ZCCHC4: variants seen among roughly 807,000 people sequenced by gnomAD.
The protein encoded by ZCCHC4 is rRNA N(6)-adenosine-methyltransferase ZCCHC4.
A neutral mutation model predicts 67.7 loss-of-function variants in ZCCHC4; 54 were observed. That is an observed-to-expected ratio of 0.80 (90% CI 0.64 to 1.00). ZCCHC4 has a LOEUF of 1.00. ZCCHC4 is among the 50% of genes least tolerant of loss of function. ZCCHC4 has a pLI of 0.00. For synonymous variants in ZCCHC4, 198 were observed against 213.5 expected (o/e 0.93, Z 0.63); for missense variants, 609 against 617.0 (o/e 0.99, Z 0.14).
At chr4:25,319,624 T>G (rs1292468990) in intron 3 of ZCCHC4, among the ~76,000 whole-genome samples, 1 of 152,118 alleles carries the variant, frequency 6.6e-6, no homozygotes, top group Non-Finnish European at 1.5e-5. Flanking sequence ...CTGAAAATAT[T>G]CAGTGTCTTA....
At chr4:25,313,989 T>C (rs528308549) in intron 1 of ZCCHC4, 57 bp from the exon 2 acceptor site, 1 of 1,127,504 alleles carries the variant, frequency 8.9e-7, no homozygotes, top group African/African-American at 1.6e-5. Flanking sequence ...AACTAAGAAC[T>C]TGACGTAGAT....
At chr4:25,317,609 G>A (rs1718323897) in intron 3 of ZCCHC4, among the ~76,000 whole-genome samples, 1 of 150,178 alleles carries the variant, frequency 6.7e-6, no homozygotes, top group African/African-American at 2.4e-5. Flanking sequence ...TACTTGGGAG[G>A]CTGACACAGG....
chr4:25,350,765 G>C (rs569244236), intron 7 of ZCCHC4, among the ~76,000 whole-genome samples: 1 of 152,246 alleles, frequency 6.6e-6, no homozygotes, highest in Admixed American at 6.5e-5. Flanking sequence ...CTGTTTTTAA[G>C]TCCACTAATT....
At chr4:25,356,510 G>T (rs780737023) in intron 8 of ZCCHC4, among the ~76,000 whole-genome samples, 6 of 151,744 alleles carry the variant, frequency 4.0e-5, no homozygotes, top group Non-Finnish European at 7.4e-5. Flanking sequence ...CCACCTTCCT[G>T]ACACATACAT....
At chr4:25,323,357 G>T (rs1718682006) in intron 3 of ZCCHC4, among the ~76,000 whole-genome samples, 1 of 151,232 alleles carries the variant, frequency 6.6e-6, no homozygotes, top group Admixed American at 6.6e-5. Flanking sequence ...AAATGATTTG[G>T]TACTGCAGCA....
chr4:25,341,951 G>T (rs558992433), intron 5 of ZCCHC4, among the ~76,000 whole-genome samples: 1 of 152,268 alleles, frequency 6.6e-6, no homozygotes, highest in African/African-American at 2.4e-5. Context: ...GTCAGAGTAG[G>T]GGTTAGGGGA....
intron 5 of ZCCHC4, among the ~76,000 whole-genome samples, chr4:25,343,272 C>T (rs995893754): frequency 1.8e-4 from 27 of 152,250 alleles, no homozygotes; most frequent in African/African-American, 6.3e-4. Flanking sequence ...TTTATTTCTT[C>T]AGTGCAAATT....
chr4:25,358,148 T>C (rs1409107911), intron 8 of ZCCHC4, among the ~76,000 whole-genome samples: 15 of 152,228 alleles, frequency 9.9e-5, no homozygotes, highest in Admixed American at 9.8e-4. Context: ...CTGCTGAAAC[T>C]AAAAGTTGAG....
At chr4:25,334,617 A>T (rs1366108716) in intron 5 of ZCCHC4, among the ~76,000 whole-genome samples, 1 of 152,182 alleles carries the variant, frequency 6.6e-6, no homozygotes, top group East Asian at 1.9e-4. Flanking sequence ...GATACCTTTA[A>T]CTTATAACAT....
Position 25,349,679 on chromosome 4 carries a change from A to G in ZCCHC4, c.910+37A>G, listed in dbSNP as rs370060994. On this transcript the variant is annotated intron_variant, in intron 7 of 12. Coordinates refer to ENST00000302874, the MANE Select transcript of ZCCHC4 (RefSeq NM_024936.3). ...ATTACTGCAAAATAAATACATATCT[A>G]TATATCTACTTCCTGTCAAATATTA... The G allele has an allele frequency of 2.1e-5, 34 of 1,597,022 alleles. 1 individual carries two copies. The Middle Eastern group carries it at 1.8e-3, about 86-fold the overall frequency.
intron 5 of ZCCHC4, among the ~76,000 whole-genome samples, chr4:25,343,995 A>G (rs1719874114): frequency 6.6e-6 from 1 of 152,206 alleles, no homozygotes. Flanking sequence ...CTATTGAGAT[A>G]ACAAAAAGGT....
Position 25,312,955 on chromosome 4 carries a change from T to A in ZCCHC4, c.127+19T>A, listed in dbSNP as rs765472485. The A allele has an allele frequency of 8.7e-6, 14 of 1,609,802 alleles. No homozygotes were observed. Among genetic ancestry groups the A allele is most frequent in the Non-Finnish European group, 1.2e-5 (14 of 1,179,556 alleles). Reference sequence around the variant, plus strand: ...CCTCACGGTGGGTCAGAGTCTGGGCTCAGCCTAACTGCCGGGCGCTGAGGG... The same window carrying A: ...CCTCACGGTGGGTCAGAGTCTGGGCACAGCCTAACTGCCGGGCGCTGAGGG... On this transcript the variant is annotated intron_variant, in intron 1 of 12. Transcript: ENST00000302874.
chr4:25,365,173 C>T lies in ZCCHC4; in HGVS notation c.1406+7C>T, dbSNP rs372761972. The T allele has an allele frequency of 8.1e-6, 13 of 1,613,144 alleles. No homozygotes were observed. In the Admixed American group the frequency reaches 8.3e-5, roughly 10 times the overall value. On this transcript the variant is annotated splice_region_variant and intron_variant, in intron 12 of 12. Transcript: ENST00000302874. ...CATCTAAGAGAGCTAACAAGTCAGT[C>T]GAATACTTTACTAGAAAAATGTATT...
chr4:25,365,641 T>A, intron 12 of ZCCHC4: 3 of 985,622 alleles, frequency 3.0e-6, no homozygotes, highest in Non-Finnish European at 3.6e-6. Context: ...AAGAAAAATA[T>A]TTAGACATGC....
At chr4:25,343,778 A>T (rs1180981214) in intron 5 of ZCCHC4, among the ~76,000 whole-genome samples, 1 of 152,220 alleles carries the variant, frequency 6.6e-6, no homozygotes, top group East Asian at 1.9e-4. Flanking sequence ...TTCACCATGG[A>T]TGCTCAATCA....
In ZCCHC4 at chr4:25,315,411, A is replaced by G; in HGVS notation, c.329+11A>G. 1.3e-6 allele frequency: 2 copies of G among 1,570,442 alleles called. No homozygotes were observed. The highest frequency in any genetic ancestry group is 1.7e-6 in the Non-Finnish European group (2 of 1,159,444). On this transcript the variant is annotated intron_variant, in intron 3 of 12. Coordinates refer to ENST00000302874, the MANE Select transcript of ZCCHC4 (RefSeq NM_024936.3). Reference sequence around the variant, plus strand: ...GCAGTGTGTGGAAAGGTACTGATGCAGTGTCATTTTTCTTTATTAGTTTAG... The same window carrying G: ...GCAGTGTGTGGAAAGGTACTGATGCGGTGTCATTTTTCTTTATTAGTTTAG...
intron 5 of ZCCHC4, among the ~76,000 whole-genome samples, chr4:25,339,860 T>G (rs901086026): frequency 6.6e-6 from 1 of 152,002 alleles, no homozygotes; most frequent in African/African-American, 2.4e-5. Context: ...CTTAGGTCTT[T>G]AATCTATTTT....
At chr4:25,318,349 C>T (rs1400889050) in intron 3 of ZCCHC4, among the ~76,000 whole-genome samples, 1 of 45,518 alleles carries the variant, frequency 2.2e-5, no homozygotes, top group Admixed American at 4.1e-4. Context: ...CACTCTCTCT[C>T]TTTTTTTTTT....
chr4:25,365,357 T>C, intron 12 of ZCCHC4, 191 bp downstream of exon 12: 1 of 1,388,598 alleles, frequency 7.2e-7, no homozygotes, highest in Non-Finnish European at 9.3e-7. Flanking sequence ...TCAAAGAGCT[T>C]ACAGTTCTAC....
Sources: gnomAD v4.1 joint callset for allele counts (sites outside exome capture counted in the v4.1 genomes callset) on GRCh38, gnomAD v4.1.1 for gene constraint, MANE v1.5 for transcripts, NCBI Gene and HGNC (gene_info 2026-07-23, HGNC 2026-07-21) for gene names.